Variants in EPB41L3 observed in about 807,000 individuals in gnomAD.
EPB41L3 encodes erythrocyte membrane protein band 4.1 like 3.
A neutral mutation model predicts 127.1 loss-of-function variants in EPB41L3; 57 were observed. The ratio of observed to expected loss-of-function variants is 0.45; its 90% CI spans 0.36 to 0.56. The LOEUF (loss-of-function observed/expected upper bound fraction) is 0.56, where lower values mean the gene tolerates loss of function less well. Among genes scored for constraint, EPB41L3 ranks in the 20% least tolerant of loss-of-function variants. The pLI, the probability that EPB41L3 is intolerant of heterozygous loss-of-function variation, is 0.00. For missense variants in EPB41L3, 1,273 were observed against 1,372.2 expected (o/e 0.93, Z 1.14); for synonymous variants, 572 against 549.5 (o/e 1.04, Z -0.57).
At chr18:5,525,308 C>T (rs1219132411) in intron 1 of EPB41L3, among the ~76,000 whole-genome samples, 1 of 152,162 alleles carries the variant, frequency 6.6e-6, no homozygotes, top group Non-Finnish European at 1.5e-5. Flanking sequence ...TAGGAAAGCG[C>T]TCACAGACGC....
At chr18:5,466,839 G>A (rs1160300381) in intron 3 of EPB41L3, among the ~76,000 whole-genome samples, 9 of 152,172 alleles carry the variant, frequency 5.9e-5, no homozygotes, top group African/African-American at 2.2e-4. Flanking sequence ...GCTGATGACA[G>A]CAGCCTGCTT....
chr18:5,629,171 G>T (rs998464165), upstream of EPB41L3, among the ~76,000 whole-genome samples: 1 of 152,072 alleles, frequency 6.6e-6, no homozygotes, highest in African/African-American at 2.4e-5. Context: ...CATTCGCCTC[G>T]GGAACGCCTC....
intron 1 of EPB41L3, among the ~76,000 whole-genome samples, chr18:5,513,858 G>A (rs559252798): frequency 6.6e-6 from 1 of 152,222 alleles, no homozygotes; most frequent in Admixed American, 6.5e-5. Flanking sequence ...GTCTCTTATA[G>A]TCATTATGGC....
At chr18:5,550,473 A>G (rs2093949236) in intron 3 of EPB41L3, among the ~76,000 whole-genome samples, 2 of 152,224 alleles carry the variant, frequency 1.3e-5, no homozygotes, top group Non-Finnish European at 2.9e-5. Flanking sequence ...ATACTTGATG[A>G]GCCCTATAAA....
intron 13 of EPB41L3, among the ~76,000 whole-genome samples, chr18:5,411,433 TAAAAC>T (rs1203870396): frequency 6.6e-6 from 1 of 152,008 alleles, no homozygotes; most frequent in Admixed American, 6.5e-5. Context: ...TAGAAACAAA[TAAAAC>T]AAAGCACAGC....
chr18:5,475,708 C>T (rs1599477366), intron 3 of EPB41L3, among the ~76,000 whole-genome samples: 2 of 152,308 alleles, frequency 1.3e-5, no homozygotes, highest in South Asian at 4.1e-4. Context: ...AAAGTTTTAC[C>T]TCCACTCCTG....
At chr18:5,620,866 C>A (rs4274513) in intron 1 of EPB41L3, among the ~76,000 whole-genome samples, 2 of 152,108 alleles carry the variant, frequency 1.3e-5, no homozygotes, top group Non-Finnish European at 2.9e-5. Flanking sequence ...TTTCCCCACC[C>A]ATAGTCAGAG....
chr18:5,398,889 C>T (rs977549296), intron 16 of EPB41L3: 11 of 399,108 alleles, frequency 2.8e-5, no homozygotes, highest in Non-Finnish European at 4.4e-5. Context: ...TTCTTCAGGA[C>T]TCTGCCGGCG....
intron 1 of EPB41L3, among the ~76,000 whole-genome samples, chr18:5,526,773 A>G (rs2093236991): frequency 6.6e-6 from 1 of 152,188 alleles, no homozygotes; most frequent in Admixed American, 6.5e-5. Flanking sequence ...ACCAATATCT[A>G]TCTTTATACT....
intron 1 of EPB41L3, among the ~76,000 whole-genome samples, chr18:5,493,239 G>C (rs2090804553): frequency 6.6e-6 from 1 of 152,160 alleles, no homozygotes; most frequent in African/African-American, 2.4e-5. Flanking sequence ...ACAAACTAAA[G>C]ATTTAGTGAA....
rs1234612999 is a variant in EPB41L3 at position 5,397,758 on chromosome 18, T to A, written c.2472+263A>T. On this transcript the variant is annotated intron_variant, in intron 17 of 22. Transcript: ENST00000341928. This position sits in a 1 kb window ranked among gnomAD's most constrained non-coding sequence, Gnocchi z 4.1. ...TGGCTGCTTTCTTAGACTCAACTGGTGAGACATAATGCTTTTAGATATTTA... is the reference window on the plus strand; with the variant it reads ...TGGCTGCTTTCTTAGACTCAACTGGAGAGACATAATGCTTTTAGATATTTA... Among the ~76,000 whole-genome samples, 2 of 152,188 alleles carry A rather than the reference T, an allele frequency of 1.3e-5. No individual in the cohort carries two copies.
chr18:5,503,070 T>C (rs1338805203), intron 1 of EPB41L3, among the ~76,000 whole-genome samples: 1 of 152,202 alleles, frequency 6.6e-6, no homozygotes, highest in African/African-American at 2.4e-5. Context: ...TCTACAAAAG[T>C]ACTATTTTTA....
rs368092040 is a variant in EPB41L3 at position 5,397,440 on chromosome 18, G to A, written c.2473-14C>T. ...GGTTTCCATTTTCTGCATGGGAAGA[G>A]ATTGTGGCATCAGTGTGACCATCCA... On this transcript the variant is annotated splice_polypyrimidine_tract_variant and intron_variant, in intron 17 of 22. Coordinates refer to ENST00000341928, the MANE Select transcript of EPB41L3 (RefSeq NM_012307.5). This position sits in a 1 kb window ranked among gnomAD's most constrained non-coding sequence, Gnocchi z 4.1. The A allele has an allele frequency of 6.3e-6, 10 of 1,596,058 alleles. No homozygotes were observed. Among genetic ancestry groups the A allele is most frequent in the African/African-American group, 2.7e-5 (2 of 74,474 alleles).
At chr18:5,629,345 C>T (rs1326429006), upstream of EPB41L3, among the ~76,000 whole-genome samples, 2 of 151,434 alleles carry the variant, frequency 1.3e-5, no homozygotes, top group Non-Finnish European at 3.0e-5. Flanking sequence ...CCCTGCGGCT[C>T]CGCCGGGCTG....
chr18:5,618,452 A>G (rs564680852), intron 1 of EPB41L3, among the ~76,000 whole-genome samples: 1 of 152,376 alleles, frequency 6.6e-6, no homozygotes, highest in East Asian at 1.9e-4. Flanking sequence ...GAAGGAGAAT[A>G]GCTTAGCGAC....
intron 22 of EPB41L3, 39 bp downstream of exon 22, chr18:5,394,638 C>T: frequency 6.5e-7 from 1 of 1,528,782 alleles, no homozygotes; most frequent in Non-Finnish European, 9.1e-7. Context: ...TGCCTCATGC[C>T]AGCCTAGGCA....
chr18:5,407,835 G>C (rs144889883), intron 14 of EPB41L3, 99 bp from the exon 15 acceptor site: 2 of 1,090,196 alleles, frequency 1.8e-6, no homozygotes, highest in Non-Finnish European at 2.8e-6. Context: ...ATGTGGGCAC[G>C]TGTACGCTCT....
chr18:5,554,907 T>C (rs2094012996), intron 3 of EPB41L3, among the ~76,000 whole-genome samples: 1 of 152,190 alleles, frequency 6.6e-6, no homozygotes, highest in Admixed American at 6.5e-5. Context: ...CATGGTGATA[T>C]TTATAAAGAT....
chr18:5,449,050 G>A (rs2146502558), intron 3 of EPB41L3, among the ~76,000 whole-genome samples: 1 of 152,240 alleles, frequency 6.6e-6, no homozygotes, highest in Middle Eastern at 3.4e-3. Context: ...AGAATGAAAA[G>A]GGAAGCCAGA....
Sources: gnomAD v4.1 joint callset for allele counts (sites outside exome capture counted in the v4.1 genomes callset) on GRCh38, gnomAD v4.1.1 for gene constraint, Gnocchi (gnomAD v3.1) non-coding constraint, MANE v1.5 for transcripts, NCBI Gene and HGNC (gene_info 2026-07-23, HGNC 2026-07-21) for gene names.